The following MYRFL variants were observed in gnomAD, a reference collection of about 807,000 sequenced individuals.
MYRFL encodes myelin regulatory factor-like protein.
Under a neutral mutation model 109.4 loss-of-function variants are expected in MYRFL, and 88 were observed. The observed-to-expected ratio is 0.80, with a 90% CI of 0.68 to 0.96. The LOEUF is 0.96. Among genes scored for constraint, MYRFL ranks in the 40% least tolerant of loss-of-function variants. MYRFL has a pLI of 0.00. For synonymous variants in MYRFL, 324 were observed against 320.9 expected (o/e 1.01, Z -0.10); for missense variants, 957 against 954.9 (o/e 1.00, Z -0.03).
At chr12:69,909,876 A>T in intron 11 of MYRFL, 93 bp from the exon 12 acceptor site, 1 of 872,458 alleles carries the variant, frequency 1.1e-6, no homozygotes, top group Non-Finnish European at 1.7e-6. Flanking sequence ...AATGTCCAAA[A>T]GCAATTCAGT....
intron 22 of MYRFL, among the ~76,000 whole-genome samples, chr12:69,956,845 C>T (rs1001353416): frequency 1.3e-5 from 2 of 152,152 alleles, no homozygotes; most frequent in African/African-American, 4.8e-5. Context: ...ATGTACTATT[C>T]TTATAAACTG....
chr12:69,930,891 C>T (rs1390909367), intron 15 of MYRFL, among the ~76,000 whole-genome samples: 1 of 151,830 alleles, frequency 6.6e-6, no homozygotes, highest in African/African-American at 2.4e-5. Flanking sequence ...CCCTACCCTC[C>T]CCCAAATAAA....
intron 9 of MYRFL, 59 bp downstream of exon 9, chr12:69,895,540 G>A: frequency 7.0e-7 from 1 of 1,429,138 alleles, no homozygotes; most frequent in Non-Finnish European, 9.5e-7. Context: ...GCCAGGAAGT[G>A]CCCTCCTGGG....
At chr12:69,921,694 A>G (rs1305844654) in intron 13 of MYRFL, among the ~76,000 whole-genome samples, 1 of 152,190 alleles carries the variant, frequency 6.6e-6, no homozygotes, top group African/African-American at 2.4e-5. Flanking sequence ...CTCCACTTTT[A>G]TTTCCTCTTG....
chr12:69,932,429 C>A, intron 15 of MYRFL, 84 bp from the exon 16 acceptor site: 1 of 860,414 alleles, frequency 1.2e-6, no homozygotes, highest in Non-Finnish European at 1.9e-6. Flanking sequence ...CAGCAAATAC[C>A]CCTGCTGGGA....
At position 69,891,609 on chromosome 12, in the gene MYRFL, T is replaced by TTC. The variant is rs1433609589; in HGVS notation, c.903+445_903+446dup. On this transcript the variant is annotated intron_variant, in intron 7 of 24. Transcript: ENST00000552032. ...TCTTTCTTTCTTTCTTTCTTTCTCTTTCTTTCTTTCTTTCCTCCTTCCTTT... is the reference window on the plus strand; with the variant it reads ...TCTTTCTTTCTTTCTTTCTTTCTCTTTCTCTTTCTTTCTTTCCTCCTTCCTTT... 1.3e-3 allele frequency among the ~76,000 whole-genome samples: 140 copies of TTC among 105,714 alleles called. 2 individuals are homozygous for TTC. Among genetic ancestry groups the TTC allele is most frequent in the African/African-American group, 5.8e-3 (124 of 21,204 alleles). The allele number at this position is 105,714 out of a possible 152,430, so 69.4% of individuals were successfully genotyped here. A position where few individuals can be genotyped will look rare whatever the true frequency, so the allele number is the denominator to read the frequency against.
At chr12:69,938,684 A>G (rs897766767) in intron 19 of MYRFL, among the ~76,000 whole-genome samples, 2 of 152,200 alleles carry the variant, frequency 1.3e-5, no homozygotes, top group Non-Finnish European at 2.9e-5. Context: ...AAAAAAGCTT[A>G]TAAAATAAAG....
intron 2 of MYRFL, among the ~76,000 whole-genome samples, chr12:69,862,303 G>T (rs1329314325): frequency 6.6e-6 from 1 of 150,544 alleles, no homozygotes; most frequent in African/African-American, 2.4e-5. Flanking sequence ...TTGGTAGCTT[G>T]ATGGGGATGG....
At chr12:69,923,736 G>C (rs959493951) in intron 13 of MYRFL, among the ~76,000 whole-genome samples, 5 of 151,462 alleles carry the variant, frequency 3.3e-5, no homozygotes, top group African/African-American at 9.7e-5. Flanking sequence ...TCTGGGAATG[G>C]GCAGTCAAAT....
chr12:69,917,683 A>G (rs1356924155), intron 13 of MYRFL, among the ~76,000 whole-genome samples: 1 of 152,174 alleles, frequency 6.6e-6, no homozygotes, highest in African/African-American at 2.4e-5. Context: ...TCCTGAGGTC[A>G]GAGAATCTGC....
At chr12:69,836,570 A>G (rs1214998720) in intron 1 of MYRFL, among the ~76,000 whole-genome samples, 1 of 152,218 alleles carries the variant, frequency 6.6e-6, no homozygotes, top group Admixed American at 6.5e-5. Context: ...TATAAGAGTA[A>G]GATCTAGCTG....
chr12:69,864,146 G>A (rs911101081), intron 2 of MYRFL, among the ~76,000 whole-genome samples: 1 of 152,100 alleles, frequency 6.6e-6, no homozygotes, highest in African/African-American at 2.4e-5. Flanking sequence ...ATATTGTACT[G>A]TTTGGGATTT....
intron 19 of MYRFL, among the ~76,000 whole-genome samples, chr12:69,942,748 C>T (rs1470323171): frequency 7.9e-5 from 12 of 151,846 alleles, no homozygotes; most frequent in Non-Finnish European, 1.5e-4. Context: ...GTCAAATTGT[C>T]CCTGTTTGCA....
intron 7 of MYRFL, among the ~76,000 whole-genome samples, chr12:69,891,705 C>CT (rs1313725514): frequency 2.4e-4 from 32 of 131,952 alleles, no homozygotes; most frequent in African/African-American, 7.4e-4. Context: ...TTCTTTCTTT[C>CT]TTTTTTTCTT....
chr12:69,875,475 T>G (rs1243964954), intron 2 of MYRFL, among the ~76,000 whole-genome samples: 1 of 152,226 alleles, frequency 6.6e-6, no homozygotes, highest in Non-Finnish European at 1.5e-5. Flanking sequence ...ATTTCTGGGT[T>G]AGTGTTCACA....
intron 13 of MYRFL, among the ~76,000 whole-genome samples, chr12:69,915,816 T>TATC (rs1488202606): frequency 1.3e-5 from 2 of 152,052 alleles, no homozygotes; most frequent in African/African-American, 4.8e-5. Flanking sequence ...CTTGTTCATC[T>TATC]ATCTCTTTAT....
chr12:69,860,224 G>A (rs928015644), intron 2 of MYRFL, among the ~76,000 whole-genome samples: 8 of 152,136 alleles, frequency 5.3e-5, no homozygotes, highest in Non-Finnish European at 1.0e-4. Flanking sequence ...TTCTGCATTA[G>A]TTTGCTGAGG....
chr12:69,855,280 C>T lies in MYRFL; in HGVS notation c.47C>T (p.Ala16Val), dbSNP rs1330843247. The part of the protein sequence containing the change: ...ENEALQQFFE[A>V]QGANGTLENP... ...CAAGATTTTCAATTTGCCTTTGCAG[C>T]TCAGGGAGCCAATGGTACTCTGGAG... Residue 16 changes from alanine (A) to valine (V), a missense_variant and splice_region_variant, in exon 2 of 25, where the codon GCT becomes GTT. Coordinates refer to ENST00000552032, the MANE Select transcript of MYRFL (RefSeq NM_182530.3). 1 of 701,362 alleles carries T rather than the reference C, an allele frequency of 1.4e-6. No individual in the cohort carries two copies. Among genetic ancestry groups the T allele is most frequent in the East Asian group, 2.7e-5 (1 of 37,278 alleles). The allele number at this position is 701,362 out of a possible 1,614,324, so 43.4% of individuals were successfully genotyped here.
At chr12:69,855,206 A>G (rs562406482) in intron 1 of MYRFL, 74 bp from the exon 2 acceptor site, 5 of 657,982 alleles carry the variant, frequency 7.6e-6, no homozygotes, top group Admixed American at 6.9e-5. Flanking sequence ...GACCTTAAAG[A>G]TTTGTCAGTG....
Sources: allele counts gnomAD v4.1 joint callset (sites outside exome capture counted in the v4.1 genomes callset), GRCh38; gene constraint gnomAD v4.1.1; transcripts MANE v1.5; gene names NCBI Gene and HGNC (gene_info 2026-07-23, HGNC 2026-07-21).